Variants in COL4A3 observed in about 807,000 individuals in gnomAD.
COL4A3 encodes collagen type IV alpha 3 chain, also known as collagen alpha-3(IV) chain.
Under a neutral mutation model 217.4 loss-of-function variants are expected in COL4A3, and 135 were observed. The observed-to-expected ratio is 0.62, with a 90% CI of 0.54 to 0.72. The LOEUF (loss-of-function observed/expected upper bound fraction) is 0.72, where lower values mean the gene tolerates loss of function less well. Among genes scored for constraint, COL4A3 ranks in the 30% least tolerant of loss-of-function variants. COL4A3 has a pLI of 0.00. For synonymous variants in COL4A3, 690 were observed against 736.3 expected (o/e 0.94, Z 1.02); for missense variants, 1,868 against 2,119.9 (o/e 0.88, Z 2.33).
intron 1 of COL4A3, among the ~76,000 whole-genome samples, chr2:227,187,665 A>G (rs1248526559): frequency 6.6e-6 from 1 of 152,222 alleles, no homozygotes; most frequent in Non-Finnish European, 1.5e-5. Context: ...TGTCCCTTCC[A>G]CAGTGGGAAT....
intron 18 of COL4A3, among the ~76,000 whole-genome samples, chr2:227,257,989 G>A (rs772128621): frequency 6.6e-6 from 1 of 152,156 alleles, no homozygotes; most frequent in Non-Finnish European, 1.5e-5. Flanking sequence ...CCTCCACCTG[G>A]GCCCGGGTTA....
Position 227,282,569 on chromosome 2 carries a change from C to T in COL4A3, c.2656+37C>T, listed in dbSNP as rs974180977. The T allele has an allele frequency of 1.1e-5, 17 of 1,576,210 alleles. No individual in the cohort carries two copies. The highest frequency in any genetic ancestry group is 1.2e-5 in the Non-Finnish European group (14 of 1,149,426). The stretch of plus-strand genomic sequence containing the variant: ...TGTGTTTCTATTTTTCTTCTTATTT[C>T]TTCTTCTTCTTAAGGTGGCTCTGTC... On this transcript the variant is annotated intron_variant, in intron 32 of 51. Transcript: ENST00000396578. This position sits in a 1 kb window ranked among gnomAD's most constrained non-coding sequence, Gnocchi z 4.4.
At chr2:227,177,180 T>C (rs1433871936) in intron 1 of COL4A3, among the ~76,000 whole-genome samples, 3 of 150,442 alleles carry the variant, frequency 2.0e-5, no homozygotes, top group Admixed American at 6.6e-5. Flanking sequence ...GATGGAGTCT[T>C]GCTCTGTAAC....
At chr2:227,266,610 CA>C in intron 22 of COL4A3, 101 bp downstream of exon 22, 1 of 877,168 alleles carries the variant, frequency 1.1e-6, no homozygotes, top group Non-Finnish European at 1.9e-6. Flanking sequence ...AAATAGCTAC[CA>C]GTCAGTGATG....
intron 41 of COL4A3, 48 bp downstream of exon 41, chr2:227,295,364 G>C: frequency 6.6e-7 from 1 of 1,520,824 alleles, no homozygotes; most frequent in Non-Finnish European, 9.1e-7. Context: ...TTCAAGGAGA[G>C]AAAGCAGTTG....
intron 47 of COL4A3, chr2:227,305,727 A>C (rs7607151): frequency 0.93 from 141,495 of 152,218 alleles, 65,813 homozygotes; most frequent in African/African-American, 0.97. Flanking sequence ...TGAAAAGGGA[A>C]CTCTTAAGTA....
At chr2:227,190,334 C>T (rs558839958) in intron 1 of COL4A3, among the ~76,000 whole-genome samples, 5 of 152,308 alleles carry the variant, frequency 3.3e-5, no homozygotes, top group Non-Finnish European at 7.4e-5. Flanking sequence ...GCAAACATGC[C>T]TTGAATTCCA....
At chr2:227,180,656 A>G (rs934340348) in intron 1 of COL4A3, among the ~76,000 whole-genome samples, 1 of 152,218 alleles carries the variant, frequency 6.6e-6, no homozygotes, top group Non-Finnish European at 1.5e-5. Context: ...TCAGATTCAA[A>G]TTCAGTTTCT....
chr2:227,214,269 C>A (rs2067442384), intron 1 of COL4A3, among the ~76,000 whole-genome samples: 1 of 152,096 alleles, frequency 6.6e-6, no homozygotes, highest in Non-Finnish European at 1.5e-5. Flanking sequence ...ATATATTATA[C>A]CTTTTCTCCA....
rs768527987 is a variant in COL4A3 at position 227,257,606 on chromosome 2, C to T, written c.991C>T (p.Gln331Ter). 1 of 1,613,608 alleles carries T rather than the reference C, an allele frequency of 6.2e-7. No individual in the cohort carries two copies. The highest frequency in any genetic ancestry group is 8.5e-7 in the Non-Finnish European group (1 of 1,179,542). ...TTGTAAATGTCTTTCACTGTAGGGA[C>T]AGAAAGGGGACATTGGCCCTCCAGG... ...GLMGEDGIKG[Q>*]KGDIGPPGFR... Residue 331 changes from glutamine to a stop codon, truncating the protein, a stop_gained, in exon 18 of 52, where the codon CAG (glutamine) becomes TAG (stop). Transcript: ENST00000396578. LOFTEE classifies it high-confidence loss of function.
In COL4A3 at chr2:227,245,952, A is replaced by G; in HGVS notation, c.325-2A>G. On this transcript the variant is annotated splice_acceptor_variant, in intron 5 of 51. Coordinates refer to ENST00000396578, the MANE Select transcript of COL4A3 (RefSeq NM_000091.5). LOFTEE classifies it high-confidence loss of function. ...CCTCATTGAGACTTGTTCTTCTTCC[A>G]GGGCACCCCAGGCAATACCGGGCCT... 1 of 1,613,634 alleles carries G rather than the reference A, an allele frequency of 6.2e-7. No homozygotes were observed. The highest frequency in any genetic ancestry group is 1.1e-5 in the South Asian group (1 of 91,072).
chr2:227,220,279 T>C (rs1420363858), intron 1 of COL4A3, among the ~76,000 whole-genome samples: 8 of 145,478 alleles, frequency 5.5e-5, no homozygotes. Flanking sequence ...GCCTCCCAGG[T>C]TCACGTGATT....
At chr2:227,180,425 A>G (rs1306474980) in intron 1 of COL4A3, among the ~76,000 whole-genome samples, 1 of 152,194 alleles carries the variant, frequency 6.6e-6, no homozygotes, top group African/African-American at 2.4e-5. Context: ...ACTCGCTGTG[A>G]CCTGCTCAGG....
chr2:227,274,238 AAAATAAAT>A (rs57515255), intron 26 of COL4A3, among the ~76,000 whole-genome samples: 15 of 143,828 alleles, frequency 1.0e-4, no homozygotes, highest in South Asian at 9.0e-4. Flanking sequence ...TACTGTCTCA[AAAATAAAT>A]AAATAAATAA....
At chr2:227,193,271 G>T (rs1185981753) in intron 1 of COL4A3, among the ~76,000 whole-genome samples, 1 of 151,966 alleles carries the variant, frequency 6.6e-6, no homozygotes, top group Non-Finnish European at 1.5e-5. Flanking sequence ...ATCAAAATCT[G>T]TTTACAATGC....
chr2:227,275,356 T>C (rs1260197149), intron 26 of COL4A3, among the ~76,000 whole-genome samples: 2 of 152,140 alleles, frequency 1.3e-5, no homozygotes, highest in Non-Finnish European at 2.9e-5. Flanking sequence ...AATTTTTGTA[T>C]TTTTAGTAGA....
chr2:227,232,448 A>C (rs1010230769), intron 1 of COL4A3, among the ~76,000 whole-genome samples: 43 of 152,238 alleles, frequency 2.8e-4, no homozygotes, highest in Non-Finnish European at 5.7e-4. Flanking sequence ...GAACCTCCAC[A>C]CAGTTCTCCA....
intron 1 of COL4A3, among the ~76,000 whole-genome samples, chr2:227,222,841 C>T (rs1008915060): frequency 6.6e-6 from 1 of 152,146 alleles, no homozygotes; most frequent in Non-Finnish European, 1.5e-5. Context: ...CCATGGGGGC[C>T]AATGGCCTCT....
At chr2:227,279,916 G>T in intron 29 of COL4A3, 26 bp downstream of exon 29, 1 of 1,547,238 alleles carries the variant, frequency 6.5e-7, no homozygotes, top group South Asian at 1.2e-5. Context: ...AGCTATCACA[G>T]AAGAGAGGGT....
Sources: gnomAD v4.1 joint callset for allele counts (sites outside exome capture counted in the v4.1 genomes callset) on GRCh38, gnomAD v4.1.1 for gene constraint, Gnocchi (gnomAD v3.1) non-coding constraint, MANE v1.5 for transcripts, NCBI Gene and HGNC (gene_info 2026-07-23, HGNC 2026-07-21) for gene names.